Variants in SFI1 observed in about 807,000 individuals in gnomAD.
SFI1 encodes SFI1 centrin binding protein, also known as protein SFI1 homolog.
Under a neutral mutation model 207.5 loss-of-function variants are expected in SFI1, and 195 were observed. The ratio of observed to expected loss-of-function variants is 0.94; its 90% confidence interval spans 0.84 to 1.06. SFI1 has a LOEUF of 1.06. Among genes scored for constraint, SFI1 ranks in the 50% least tolerant of loss-of-function variants. The pLI is 0.00. For missense variants in SFI1, 1,634 were observed against 1,588.0 expected, an observed-to-expected ratio of 1.03 and a Z score of -0.49; for synonymous variants, 630 against 598.9, an observed-to-expected ratio of 1.05 and a Z score of -0.76.
At chr22:31,524,477 C>T (rs2057665966) in intron 2 of SFI1, among the ~76,000 whole-genome samples, 1 of 151,446 alleles carries the variant, frequency 6.6e-6, no homozygotes, top group Admixed American at 6.6e-5. Flanking sequence ...GGCTGGAGTA[C>T]AGTGGTGGGA....
At chr22:31,527,424 G>A (rs144154855) in intron 2 of SFI1, among the ~76,000 whole-genome samples, 1,754 of 152,194 alleles carry the variant, frequency 0.012, 10 homozygotes, top group Middle Eastern at 0.031. Context: ...AGTAAACTTC[G>A]AATTGTTCTT....
At chr22:31,512,347 C>A (rs1165882262) in intron 2 of SFI1, among the ~76,000 whole-genome samples, 2 of 146,540 alleles carry the variant, frequency 1.4e-5, no homozygotes, top group Non-Finnish European at 3.0e-5. Flanking sequence ...AACAGCGAAA[C>A]TCCATCTCAA....
At chr22:31,502,353 A>C (rs548108862) in intron 1 of SFI1, among the ~76,000 whole-genome samples, 8 of 151,942 alleles carry the variant, frequency 5.3e-5, no homozygotes, top group African/African-American at 1.9e-4. Flanking sequence ...GTTCTAGATG[A>C]GGCTGGATGA....
chr22:31,583,418 T>A (rs2064610724), intron 12 of SFI1, among the ~76,000 whole-genome samples: 2 of 152,184 alleles, frequency 1.3e-5, no homozygotes, highest in Admixed American at 6.5e-5. Context: ...CCCAGCCCAG[T>A]GTTTTATGTT....
intron 7 of SFI1, among the ~76,000 whole-genome samples, chr22:31,558,064 C>T (rs752047371): frequency 1.2e-4 from 18 of 152,190 alleles, no homozygotes; most frequent in Non-Finnish European, 2.5e-4. Context: ...TTGAATCCCT[C>T]TTCCAACCTG....
chr22:31,524,121 G>A (rs1377822787), intron 2 of SFI1, among the ~76,000 whole-genome samples: 1 of 151,962 alleles, frequency 6.6e-6, no homozygotes, highest in Non-Finnish European at 1.5e-5. Context: ...AGAATTGCTT[G>A]AACCCAGGAG....
At chr22:31,506,802 G>A (rs2054709797) in intron 1 of SFI1, among the ~76,000 whole-genome samples, 1 of 152,094 alleles carries the variant, frequency 6.6e-6, no homozygotes, top group South Asian at 2.1e-4. Flanking sequence ...CAGCTAACAA[G>A]GGAAGTGAAA....
At chr22:31,562,008 T>C (rs1430443478) in intron 8 of SFI1, among the ~76,000 whole-genome samples, 1 of 152,176 alleles carries the variant, frequency 6.6e-6, no homozygotes, top group African/African-American at 2.4e-5. Flanking sequence ...AATGTAGGAA[T>C]AGTATCTTCT....
rs60809082 is a variant in SFI1, at chr22:31,497,655, A to AAAGCTAGAAATGACG, written c.-31+1046_-31+1060dup. Among the ~76,000 whole-genome samples the AAAGCTAGAAATGACG allele has an allele frequency of 3.3e-5, 5 of 151,030 alleles. No individual in the cohort carries two copies. The East Asian group carries it at 5.9e-4, about 18-fold the overall frequency. On this transcript the variant is annotated intron_variant, in intron 1 of 32. Coordinates refer to ENST00000400288, the MANE Select transcript of SFI1 (RefSeq NM_001007467.3). ...GTTCCATGTCTCTCACTTTATATCAAAAGCTAGAAATGACGAAGCTAGAAA... is the reference window on the plus strand; with the variant it reads ...GTTCCATGTCTCTCACTTTATATCAAAAGCTAGAAATGACGAAGCTAGAAATGACGAAGCTAGAAA...
intron 20 of SFI1, 70 bp downstream of exon 20, chr22:31,605,015 A>C: frequency 7.2e-7 from 1 of 1,386,068 alleles, no homozygotes; most frequent in African/African-American, 1.5e-5. Flanking sequence ...CCAGCCTTTT[A>C]GGGGGTCCTG....
intron 2 of SFI1, among the ~76,000 whole-genome samples, chr22:31,512,627 C>T (rs903012824): frequency 4.0e-5 from 6 of 151,686 alleles, no homozygotes; most frequent in Non-Finnish European, 7.4e-5. Context: ...AAACAATTCT[C>T]CTGCCTCAGC....
chr22:31,600,463 C>T (rs2146940579), intron 15 of SFI1, among the ~76,000 whole-genome samples: 1 of 152,328 alleles, frequency 6.6e-6, no homozygotes. Context: ...CAACCCTGTC[C>T]AGCTTCTGCT....
chr22:31,559,770 A>T (rs2061501201), intron 7 of SFI1: 1 of 760,520 alleles, frequency 1.3e-6, no homozygotes, highest in Non-Finnish European at 2.3e-6. Flanking sequence ...AAATATAGCC[A>T]GGTCCTAGCC....
At chr22:31,497,914 G>A (rs931138750) in intron 1 of SFI1, among the ~76,000 whole-genome samples, 5 of 152,180 alleles carry the variant, frequency 3.3e-5, no homozygotes, top group African/African-American at 1.2e-4. Context: ...AGAGATTAAT[G>A]TTACTTTACA....
At chr22:31,617,103 G>C in intron 31 of SFI1, 25 bp downstream of exon 31, 2 of 1,613,042 alleles carry the variant, frequency 1.2e-6, no homozygotes, top group Non-Finnish European at 1.7e-6. Flanking sequence ...ACGCCCTGCA[G>C]CCCTGGCTAC....
At chr22:31,612,912 C>T (rs2070622847) in intron 24 of SFI1, 1 of 549,320 alleles carries the variant, frequency 1.8e-6, no homozygotes, top group East Asian at 2.9e-5. Context: ...CCACGCATCC[C>T]CCTGCAGGAG....
intron 15 of SFI1, among the ~76,000 whole-genome samples, chr22:31,595,936 A>G (rs2067037423): frequency 6.6e-6 from 1 of 152,260 alleles, no homozygotes; most frequent in East Asian, 1.9e-4. Flanking sequence ...ATGCATTGGG[A>G]GAAGTTGCAG....
At chr22:31,593,262 T>G (rs1392683887) in intron 15 of SFI1, among the ~76,000 whole-genome samples, 18 of 121,514 alleles carry the variant, frequency 1.5e-4, no homozygotes, top group Middle Eastern at 5.6e-3. Flanking sequence ...AGGCAGAGGG[T>G]CTCCTCACTT....
chr22:31,526,668 GC>G (rs2057950559), intron 2 of SFI1, among the ~76,000 whole-genome samples: 1 of 151,892 alleles, frequency 6.6e-6, no homozygotes, highest in South Asian at 2.1e-4. Flanking sequence ...TGATTCTCGT[GC>G]CCCAGCCTCC....
Sources: allele counts gnomAD v4.1 joint callset (sites outside exome capture counted in the v4.1 genomes callset), GRCh38; gene constraint gnomAD v4.1.1; transcripts MANE v1.5; gene names NCBI Gene and HGNC (gene_info 2026-07-23, HGNC 2026-07-21).